MIR2052HG: variants seen among roughly 807,000 people sequenced by gnomAD.
MIR2052HG encodes the protein MIR2052 host gene.
chr8:74,722,373 A>C (rs1290705801), intron 4 of MIR2052HG, among the ~76,000 whole-genome samples: 1 of 152,222 alleles, frequency 6.6e-6, no homozygotes, highest in Non-Finnish European at 1.5e-5. Context: ...TTACAAATAC[A>C]GATTTGAGAA....
intron 4 of MIR2052HG, among the ~76,000 whole-genome samples, chr8:74,731,450 G>A (rs562258407): frequency 5.4e-4 from 82 of 152,182 alleles, no homozygotes; most frequent in Non-Finnish European, 7.4e-4. Context: ...GTGGAATGTC[G>A]GATACACAGA....
At chr8:74,665,095 C>T (rs953490739) in intron 2 of MIR2052HG, among the ~76,000 whole-genome samples, 5 of 152,170 alleles carry the variant, frequency 3.3e-5, no homozygotes, top group African/African-American at 9.7e-5. Context: ...CTGCTTTCCT[C>T]GTTTATTCTT....
rs188101091 is a variant in MIR2052HG at position 74,634,119 on chromosome 8, G to A, written n.216+21179G>A. ...CTATCTATTCTAACACTTGTAGAAA[G>A]CATGCTTGCTCTTCAGATTTAGGCT... On this transcript the variant is annotated intron_variant and non_coding_transcript_variant, in intron 2 of 6. Transcript: ENST00000523442. 7.4e-3 allele frequency among the ~76,000 whole-genome samples: 1,123 copies of A among 152,336 alleles called. 6 individuals are homozygous for A. Among genetic ancestry groups the A allele is most frequent in the Non-Finnish European group, 0.012 (800 of 68,030 alleles).
intron 2 of MIR2052HG, among the ~76,000 whole-genome samples, chr8:74,635,589 T>C (rs1345735073): frequency 6.6e-6 from 1 of 152,214 alleles, no homozygotes; most frequent in Non-Finnish European, 1.5e-5. Flanking sequence ...ACTGGGGTCA[T>C]CTTTAATGCC....
chr8:74,681,501 C>A (rs529501016), intron 2 of MIR2052HG, among the ~76,000 whole-genome samples: 2 of 152,134 alleles, frequency 1.3e-5, no homozygotes, highest in Admixed American at 1.3e-4. Context: ...ATGCAACTAC[C>A]ATGGTTTCAA....
chr8:74,637,513 C>T (rs1410407662), intron 2 of MIR2052HG, among the ~76,000 whole-genome samples: 1 of 152,086 alleles, frequency 6.6e-6, no homozygotes, highest in Non-Finnish European at 1.5e-5. Flanking sequence ...AAAACACAGC[C>T]AATTTTAACA....
chr8:74,637,448 C>T (rs979810974), intron 2 of MIR2052HG, among the ~76,000 whole-genome samples: 23 of 152,244 alleles, frequency 1.5e-4, no homozygotes, highest in Middle Eastern at 3.4e-3. Context: ...CACACACACA[C>T]GATCCTGGTC....
At chr8:74,692,293 T>G (rs1416014351) in intron 2 of MIR2052HG, among the ~76,000 whole-genome samples, 1 of 152,166 alleles carries the variant, frequency 6.6e-6, no homozygotes. Flanking sequence ...GGTTTCACTA[T>G]GTTGCCTAGG....
At chr8:74,718,151 C>T (rs1809539261) in intron 4 of MIR2052HG, among the ~76,000 whole-genome samples, 1 of 152,126 alleles carries the variant, frequency 6.6e-6, no homozygotes, top group African/African-American at 2.4e-5. Flanking sequence ...GCAATGGAGA[C>T]ATTTAACTTT....
chr8:74,740,086 C>A (rs1809810189), intron 4 of MIR2052HG, among the ~76,000 whole-genome samples: 2 of 152,162 alleles, frequency 1.3e-5, no homozygotes. Context: ...TTAATGTGAG[C>A]TTTGACCATG....
intron 2 of MIR2052HG, among the ~76,000 whole-genome samples, chr8:74,625,066 CT>C (rs1046691479): frequency 1.2e-4 from 18 of 147,278 alleles, no homozygotes; most frequent in South Asian, 2.2e-4. Flanking sequence ...ACCTGAATAC[CT>C]TTTTTTTTTG....
chr8:74,664,887 A>G (rs537988430), intron 2 of MIR2052HG, among the ~76,000 whole-genome samples: 96 of 152,274 alleles, frequency 6.3e-4, no homozygotes, highest in African/African-American at 2.3e-3. Flanking sequence ...ATTGATTTCA[A>G]TCCACCACAA....
intron 6 of MIR2052HG, chr8:74,758,267 T>A (rs919393054): frequency 6.6e-6 from 1 of 152,098 alleles, no homozygotes; most frequent in Non-Finnish European, 1.5e-5. Flanking sequence ...AAAAATAACA[T>A]CTATTATAGA....
intron 4 of MIR2052HG, among the ~76,000 whole-genome samples, chr8:74,726,431 T>G (rs1244318136): frequency 6.6e-6 from 1 of 152,204 alleles, no homozygotes; most frequent in African/African-American, 2.4e-5. Context: ...ACCAAGCGAT[T>G]GGTAAGAGTT....
At chr8:74,732,747 G>A (rs932331024) in intron 4 of MIR2052HG, among the ~76,000 whole-genome samples, 5 of 152,160 alleles carry the variant, frequency 3.3e-5, no homozygotes, top group South Asian at 2.1e-4. Context: ...ACTATCAAGG[G>A]AGGAGGGAAT....
At chr8:74,706,468 C>T (rs954536229) in intron 4 of MIR2052HG, among the ~76,000 whole-genome samples, 3 of 152,056 alleles carry the variant, frequency 2.0e-5, no homozygotes, top group Admixed American at 6.6e-5. Context: ...CTTCCAAAAA[C>T]CTTCTCACTC....
At chr8:74,602,873 C>CTTTT (rs869275090) in intron 1 of MIR2052HG, among the ~76,000 whole-genome samples, 30 of 138,800 alleles carry the variant, frequency 2.2e-4, no homozygotes, top group African/African-American at 6.8e-4. Flanking sequence ...TTCTTTCTTT[C>CTTTT]TTTTTTCTAT....
intron 4 of MIR2052HG, among the ~76,000 whole-genome samples, chr8:74,732,159 C>A (rs962281883): frequency 1.3e-5 from 2 of 152,028 alleles, no homozygotes; most frequent in Non-Finnish European, 2.9e-5. Flanking sequence ...AACACTACAG[C>A]AAAACATAGC....
chr8:74,673,992 CT>C (rs1001788432), intron 2 of MIR2052HG, among the ~76,000 whole-genome samples: 1 of 148,940 alleles, frequency 6.7e-6, no homozygotes. Context: ...CCAGAGAAGC[CT>C]TTTTTTATGT....
Sources: gnomAD v4.1 joint callset for allele counts (sites outside exome capture counted in the v4.1 genomes callset) on GRCh38, gnomAD v4.1.1 for gene constraint, MANE v1.5 for transcripts, NCBI Gene and HGNC (gene_info 2026-07-23, HGNC 2026-07-21) for gene names.